The following BCAR1 variants were observed in gnomAD, a reference collection of about 807,000 sequenced individuals.
BCAR1 encodes breast cancer anti-estrogen resistance protein 1.
Under a neutral mutation model 67.6 loss-of-function variants are expected in BCAR1, and 30 were observed. The ratio of observed to expected loss-of-function variants is 0.44; its 90% CI spans 0.33 to 0.60. The LOEUF (loss-of-function observed/expected upper bound fraction) is 0.60, where lower values mean the gene tolerates loss of function less well. Ranked by LOEUF, BCAR1 falls within the 20% of genes least tolerant of loss-of-function variation. BCAR1 has a pLI of 0.02. For synonymous variants in BCAR1, 626 were observed against 556.7 expected (o/e 1.12, Z -1.75); for missense variants, 1,313 against 1,222.3 (o/e 1.07, Z -1.11).
intron 1 of BCAR1, chr16:75,247,776 G>T (rs117360782): frequency 1.2e-5 from 6 of 482,444 alleles, no homozygotes; most frequent in Non-Finnish European, 2.3e-5. Flanking sequence ...TGCCAGGCCT[G>T]GCTCATATCT....
intron 1 of BCAR1, chr16:75,251,064 G>A: frequency 2.5e-6 from 2 of 803,574 alleles, no homozygotes; most frequent in Non-Finnish European, 3.0e-6. Flanking sequence ...CAGTCCCCAC[G>A]CCACACCAGC....
chr16:75,242,673 G>C lies in BCAR1; in HGVS notation c.430C>G (p.Gln144Glu), dbSNP rs1021345454. The C allele has an allele frequency of 6.5e-7, 1 of 1,532,442 alleles. No individual in the cohort carries two copies. The allele number at this position is 1,532,442 out of a possible 1,614,324, so 94.9% of individuals were successfully genotyped here. A position where few individuals can be genotyped will look rare whatever the true frequency, so the allele number is the denominator to read the frequency against. The part of the protein sequence containing the change: ...SPQFQSPPAK[Q>E]TSTFSKQTPH... ...GTCTGCTTCGAGAAGGTGGATGTCTGCTTGGCTGGGGGAGACTGGAACTGA... is the reference window on the plus strand; with the variant it reads ...GTCTGCTTCGAGAAGGTGGATGTCTCCTTGGCTGGGGGAGACTGGAACTGA... Residue 144 changes from glutamine to glutamate, a missense_variant, in exon 2 of 7, where the codon CAG (glutamine) becomes GAG (glutamate). This residue lies in a region of BCAR1 where 1,272 missense variants were observed against 1,137.5 expected (regional missense o/e 1.12). Coordinates refer to ENST00000162330, the MANE Select transcript of BCAR1 (RefSeq NM_014567.5).
At chr16:75,250,873 C>T (rs1017839215) in intron 1 of BCAR1, 7 of 985,434 alleles carry the variant, frequency 7.1e-6, no homozygotes, top group Non-Finnish European at 8.4e-6. Flanking sequence ...TGCGGGGCTG[C>T]AAAGCCCGCG....
intron 1 of BCAR1, among the ~76,000 whole-genome samples, chr16:75,259,320 A>C (rs755010214): frequency 6.6e-6 from 1 of 152,248 alleles, no homozygotes; most frequent in African/African-American, 2.4e-5. Flanking sequence ...CAATAGTGCC[A>C]GTGTTCCGCT....
chr16:75,261,537 G>A (rs778468886), intron 1 of BCAR1, among the ~76,000 whole-genome samples: 3 of 152,380 alleles, frequency 2.0e-5, no homozygotes, highest in Admixed American at 6.5e-5. Flanking sequence ...CGGCTCCCAC[G>A]GCCTGCAATG....
In BCAR1 at chr16:75,235,442, G is replaced by A. The variant is rs141024553; in HGVS notation, c.1457C>T (p.Ala486Val). The change falls in exon 5 of 7, where the codon GCG becomes GTG. Residue 486 changes from alanine to valine, a missense_variant. This residue lies in a region of BCAR1 where 1,272 missense variants were observed against 1,137.5 expected (regional missense o/e 1.12). Transcript: ENST00000162330. ...AGAGGGGCTACGCCAGCTCCCAGTCGCACCGGCGCTGCCTGCCAGGTCCAG... is the reference window on the plus strand; with the variant it reads ...AGAGGGGCTACGCCAGCTCCCAGTCACACCGGCGCTGCCTGCCAGGTCCAG... The part of the protein sequence containing the change: ...HLLDLAGSAG[A>V]TGSWRSPSEP... 1.1e-5 allele frequency: 17 copies of A among 1,607,528 alleles called. No homozygotes were observed. Among genetic ancestry groups the A allele is most frequent in the South Asian group, 2.2e-5 (2 of 90,800 alleles).
At chr16:75,233,246 G>A (rs1217703863) in intron 6 of BCAR1, among the ~76,000 whole-genome samples, 2 of 151,950 alleles carry the variant, frequency 1.3e-5, no homozygotes, top group South Asian at 2.1e-4. Context: ...GGTGGCAGGC[G>A]CCTGTAATCC....
In BCAR1 at chr16:75,235,266, G is replaced by A; in HGVS notation, c.1633C>T (p.Leu545=). 1 of 1,606,232 alleles carries A rather than the reference G, an allele frequency of 6.2e-7. No individual in the cohort carries two copies. Among genetic ancestry groups the A allele is most frequent in the Non-Finnish European group, 8.5e-7 (1 of 1,174,744 alleles). ...RALHAKLSRQ[L]QKMEDVHQTL... is the part of the protein sequence containing the mutation. Reference sequence around the variant, plus strand: ...TGGTGCACGTCCTCCATCTTCTGCAGCTGCCGGCTAAGCTTGGCATGCAGG... The same window carrying A: ...TGGTGCACGTCCTCCATCTTCTGCAACTGCCGGCTAAGCTTGGCATGCAGG... The change falls in exon 5 of 7, where the codon CTG becomes TTG. Residue 545 remains leucine, a synonymous_variant. Transcript: ENST00000162330.
chr16:75,251,352 C>G (rs2077674558), intron 1 of BCAR1, 119 bp downstream of exon 1: 1 of 1,362,142 alleles, frequency 7.3e-7, no homozygotes, highest in Admixed American at 2.7e-5. Flanking sequence ...GGGCCGCGGA[C>G]CCCGGCCGGC....
intron 2 of BCAR1, 125 bp downstream of exon 2, chr16:75,242,345 C>A (rs1331860157): frequency 1.5e-6 from 2 of 1,296,010 alleles, no homozygotes; most frequent in African/African-American, 1.5e-5. Context: ...CACTTTGACC[C>A]CAGACCAAAC....
In BCAR1 at chr16:75,264,526, C is replaced by T. The variant is rs1324271648; in HGVS notation, c.66+3389G>A. The T allele has an allele frequency of 1.4e-5, 20 of 1,406,738 alleles. 1 individual carries two copies. The highest frequency in any genetic ancestry group is 3.2e-5 in the South Asian group (2 of 63,098). The allele number at this position is 1,406,738 out of a possible 1,614,324, so 87.1% of individuals were successfully genotyped here. On this transcript the variant is annotated intron_variant, in intron 1 of 6. Transcript: ENST00000393422. Reference sequence around the variant, plus strand: ...GTTCTGTCTTCCTTCTTTCTGAAGACGAGACGATTATGCTCTGAACCAGAA... The same window carrying T: ...GTTCTGTCTTCCTTCTTTCTGAAGATGAGACGATTATGCTCTGAACCAGAA...
intron 1 of BCAR1, among the ~76,000 whole-genome samples, chr16:75,244,604 G>C (rs1190094149): frequency 6.6e-6 from 1 of 152,228 alleles, no homozygotes; most frequent in Non-Finnish European, 1.5e-5. Flanking sequence ...ACTTGCCCTG[G>C]GTGGACATCA....
intron 1 of BCAR1, chr16:75,266,868 G>A: frequency 2.6e-6 from 3 of 1,138,566 alleles, no homozygotes; most frequent in Non-Finnish European, 1.1e-6. Context: ...AGCTCCATGA[G>A]GCTGGTTTGC....
chr16:75,256,494 G>C (rs950521645), upstream of BCAR1, among the ~76,000 whole-genome samples: 6 of 149,308 alleles, frequency 4.0e-5, no homozygotes, highest in African/African-American at 1.5e-4. Flanking sequence ...AGAGCTGCCA[G>C]GTAAGGGACA....
upstream of BCAR1, among the ~76,000 whole-genome samples, chr16:75,252,848 C>T (rs532785296): frequency 6.6e-6 from 1 of 152,206 alleles, no homozygotes; most frequent in African/African-American, 2.4e-5. Flanking sequence ...CCTCTCTGGG[C>T]TCCTTTCTCA....
upstream of BCAR1, chr16:75,251,653 A>C: frequency 1.0e-6 from 1 of 998,228 alleles, no homozygotes; most frequent in Non-Finnish European, 1.2e-6. Flanking sequence ...GCCACGGCCC[A>C]GCCGGCCCAG....
Position 75,260,686 on chromosome 16 carries a change from C to T in BCAR1, c.66+7229G>A, listed in dbSNP as rs145874795. Among the ~76,000 whole-genome samples the T allele has an allele frequency of 1.1e-3, 160 of 150,712 alleles. 1 individual carries two copies. The highest frequency in any genetic ancestry group is 3.5e-3 in the African/African-American group (143 of 41,160). On this transcript the variant is annotated intron_variant, in intron 1 of 6. Coordinates refer to the BCAR1 transcript ENST00000393422. ...CTAACTGTTTAACATCTGCACATTTCACGACATGTAAAATTTACCTCAATA... is the reference window on the plus strand; with the variant it reads ...CTAACTGTTTAACATCTGCACATTTTACGACATGTAAAATTTACCTCAATA...
chr16:75,260,879 G>A (rs2077893436), intron 1 of BCAR1, among the ~76,000 whole-genome samples: 2 of 152,158 alleles, frequency 1.3e-5, no homozygotes, highest in Non-Finnish European at 2.9e-5. Context: ...TCGGCTTTCT[G>A]GGATAATTCT....
At chr16:75,247,496 G>A (rs1192627162) in intron 1 of BCAR1, 4 of 154,036 alleles carry the variant, frequency 2.6e-5, no homozygotes, top group African/African-American at 9.6e-5. Flanking sequence ...ACACACGTCA[G>A]GGAGAGCTGC....
Sources: gnomAD v4.1 joint callset for allele counts (sites outside exome capture counted in the v4.1 genomes callset) on GRCh38, gnomAD v4.1.1 for gene constraint, gnomAD v4.1.1 regional missense constraint, MANE v1.5 for transcripts, NCBI Gene and HGNC (gene_info 2026-07-23, HGNC 2026-07-21) for gene names.